The following SVEP1 variants were observed in gnomAD, a reference collection of about 807,000 sequenced individuals.
SVEP1 encodes the protein sushi, von Willebrand factor type A, EGF and pentraxin domain-containing protein 1.
SVEP1 carries 164 observed loss-of-function variants against 367.3 expected under a neutral mutation model. The ratio of observed to expected loss-of-function variants is 0.45; its 90% CI spans 0.39 to 0.51. SVEP1 has a LOEUF of 0.51. Among genes scored for constraint, SVEP1 ranks in the 20% least tolerant of loss-of-function variants. The pLI is 0.00. For missense variants in SVEP1, 4,117 were observed against 4,425.3 expected (o/e 0.93, Z 1.98); for synonymous variants, 1,666 against 1,611.6 (o/e 1.03, Z -0.81).
At chr9:110,440,084 AAC>A (rs148790577) in intron 27 of SVEP1, among the ~76,000 whole-genome samples, 2,266 of 152,348 alleles carry the variant, frequency 0.015, 47 homozygotes, top group East Asian at 0.072. Context: ...AAATGAAATG[AAC>A]ACAAACCACT....
At chr9:110,392,379 G>A (rs1396474744) in intron 40 of SVEP1, among the ~76,000 whole-genome samples, 2 of 151,898 alleles carry the variant, frequency 1.3e-5, no homozygotes, top group Admixed American at 1.3e-4. Flanking sequence ...CTGTTTGTTG[G>A]ATTTAGAGGC....
At chr9:110,460,108 T>A (rs2118640449) in intron 18 of SVEP1, among the ~76,000 whole-genome samples, 1 of 152,288 alleles carries the variant, frequency 6.6e-6, no homozygotes, top group African/African-American at 2.4e-5. Context: ...AGTAGTTTTA[T>A]CGTTAGTATT....
intron 30 of SVEP1, among the ~76,000 whole-genome samples, chr9:110,433,690 T>C (rs1828389341): frequency 6.6e-6 from 1 of 151,858 alleles, no homozygotes; most frequent in South Asian, 2.1e-4. Context: ...AGGCTGGTCT[T>C]GAACTCTTGG....
chr9:110,513,482 C>T (rs1829754892), intron 4 of SVEP1, among the ~76,000 whole-genome samples: 1 of 152,088 alleles, frequency 6.6e-6, no homozygotes, highest in Non-Finnish European at 1.5e-5. Flanking sequence ...ATATTTGCTA[C>T]AAACCCCAAG....
rs1245396540 is a variant in SVEP1, at chr9:110,390,357, A to AAG, written c.9823-771_9823-770insCT. Reference sequence around the variant, plus strand: ...TACACATACTTATATACACTTATATATATATACTTATATCTACTTATATAT... The same window carrying AAG: ...TACACATACTTATATACACTTATATAAGTATATACTTATATCTACTTATATAT... On this transcript the variant is annotated intron_variant, in intron 40 of 47. Transcript: ENST00000374469. Among the ~76,000 whole-genome samples, 586 of 79,594 alleles carry AAG rather than the reference A, an allele frequency of 7.4e-3. 1 individual carries two copies. The highest frequency in any genetic ancestry group is 8.7e-3 in the Non-Finnish European group (339 of 38,778). The allele number at this position is 79,594 out of a possible 152,430, so 52.2% of individuals were successfully genotyped here.
chr9:110,579,158 G>A lies in SVEP1; in HGVS notation c.386C>T (p.Ser129Phe). 6.4e-7 allele frequency: 1 copy of A among 1,562,954 alleles called. No individual in the cohort carries two copies. Among genetic ancestry groups the A allele is most frequent in the Non-Finnish European group, 8.7e-7 (1 of 1,154,430 alleles). Residue 129 changes from serine (S) to phenylalanine (F), a missense_variant, in exon 1 of 48, where the codon TCC becomes TTC. Ser to Phe is a radical substitution (Grantham distance 155). Coordinates refer to ENST00000374469, the MANE Select transcript of SVEP1 (RefSeq NM_153366.4). The surrounding 1 kb of genome is among the most constrained non-coding windows in gnomAD (Gnocchi z 5.3). ...GACGCGCGGCACCACGTAGTTCTTG[G>A]ACGAGAAGGTCACGATGGCCACGCG... The part of the protein sequence containing the change: ...ATRVAIVTFS[S>F]KNYVVPRVDY...
At chr9:110,489,800 T>C (rs1236753661) in intron 8 of SVEP1, 21 bp from the exon 9 acceptor site, 6 of 1,589,624 alleles carry the variant, frequency 3.8e-6, no homozygotes, top group Non-Finnish European at 5.1e-6. Context: ...TACACAAATA[T>C]TTTGAAAGTT....
rs1564145245 is a variant in SVEP1, at chr9:110,446,931, C to T, written c.4230G>A (p.Gln1410=). The T allele has an allele frequency of 2.0e-6, 3 of 1,538,350 alleles. No homozygotes were observed. Among genetic ancestry groups the T allele is most frequent in the Non-Finnish European group, 2.6e-6 (3 of 1,141,842 alleles). Reference sequence around the variant, plus strand: ...CACACCTTTTGCCTGAAAATCCTGGCTGACATTTACAACTGTATGAATTTA... The same window carrying T: ...CACACCTTTTGCCTGAAAATCCTGGTTGACATTTACAACTGTATGAATTTA... ...DELNSYSCKC[Q]PGFSGKRCET... is the part of the protein sequence containing the mutation. Residue 1410 remains glutamine (Q), a synonymous_variant, in exon 25 of 48, where the codon CAG becomes CAA. Transcript: ENST00000374469.
At chr9:110,454,898 C>G (rs1362572682) in intron 22 of SVEP1, among the ~76,000 whole-genome samples, 1 of 152,190 alleles carries the variant, frequency 6.6e-6, no homozygotes, top group Non-Finnish European at 1.5e-5. Flanking sequence ...CTCCAAACCT[C>G]AGCATCATGC....
intron 18 of SVEP1, 64 bp downstream of exon 18, chr9:110,465,801 C>T: frequency 4.6e-6 from 7 of 1,529,938 alleles, no homozygotes; most frequent in African/African-American, 1.4e-5. Flanking sequence ...AGAAAATATG[C>T]CACTCCTTCA....
intron 43 of SVEP1, among the ~76,000 whole-genome samples, chr9:110,383,486 A>C (rs1464188547): frequency 6.6e-6 from 1 of 151,768 alleles, no homozygotes; most frequent in African/African-American, 2.4e-5. Context: ...ACCTGATGCT[A>C]GCAGGAACAC....
At chr9:110,566,436 A>G (rs576796793) in intron 1 of SVEP1, among the ~76,000 whole-genome samples, 8 of 152,326 alleles carry the variant, frequency 5.3e-5, no homozygotes, top group African/African-American at 1.7e-4. Flanking sequence ...TAAAGTGCTT[A>G]CAGTGGTGCC....
At chr9:110,491,200 A>C (rs10739304) in intron 8 of SVEP1, among the ~76,000 whole-genome samples, 106,811 of 151,482 alleles carry the variant, frequency 0.71, 38,218 homozygotes, top group African/African-American at 0.83. Flanking sequence ...TTCTGATAGA[A>C]CCAGTTGTTT....
At chr9:110,469,794 C>G (rs908719857) in intron 16 of SVEP1, among the ~76,000 whole-genome samples, 1 of 152,186 alleles carries the variant, frequency 6.6e-6, no homozygotes, top group African/African-American at 2.4e-5. Context: ...GGGCCTGAGT[C>G]AAGATGCACT....
At position 110,579,428 on chromosome 9, in the gene SVEP1, G is replaced by A. The variant is rs1473099167; in HGVS notation, c.116C>T (p.Ala39Val). Residue 39 changes from alanine to valine, a missense_variant, in exon 1 of 48, where the codon GCG (alanine) becomes GTG (valine). By Grantham distance (64) the Ala-to-Val change is moderately conservative. Transcript: ENST00000374469. The surrounding 1 kb of genome is among the most constrained non-coding windows in gnomAD (Gnocchi z 5.3). Reference protein sequence around the residue: ...NFSFRLFPETAPGAPGSIPAP... With the variant: ...NFSFRLFPETVPGAPGSIPAP... ...GGGGATACTCCCGGGGGCCCCGGGC[G>A]CGGTCTCGGGGAAGAGGCGGAAGCT... 3 of 1,587,946 alleles carry A rather than the reference G, an allele frequency of 1.9e-6. No homozygotes were observed. Among genetic ancestry groups the A allele is most frequent in the Non-Finnish European group, 2.6e-6 (3 of 1,168,256 alleles).
At chr9:110,380,534 G>T (rs1189005514) in intron 43 of SVEP1, among the ~76,000 whole-genome samples, 1 of 152,180 alleles carries the variant, frequency 6.6e-6, no homozygotes, top group Non-Finnish European at 1.5e-5. Context: ...GCATCCAGGG[G>T]AAGAAGCCAA....
At position 110,400,336 on chromosome 9, in the gene SVEP1, T is replaced by C. The variant is rs115240512; in HGVS notation, c.9822+518A>G. On this transcript the variant is annotated intron_variant, in intron 40 of 47. Transcript: ENST00000374469. ...AACTTACTTTTTTCCTTCCTTATCATGGCTTTCATGTTTTTTATTTGAGAC... is the reference window on the plus strand; with the variant it reads ...AACTTACTTTTTTCCTTCCTTATCACGGCTTTCATGTTTTTTATTTGAGAC... Among the ~76,000 whole-genome samples, 391 of 152,146 alleles carry C rather than the reference T, an allele frequency of 2.6e-3. 7 individuals are homozygous for C. The highest frequency in any genetic ancestry group is 9.1e-3 in the African/African-American group (378 of 41,544).
At chr9:110,433,465 C>A (rs1828385787) in intron 30 of SVEP1, among the ~76,000 whole-genome samples, 1 of 120,038 alleles carries the variant, frequency 8.3e-6, no homozygotes, top group Non-Finnish European at 1.7e-5. Context: ...TTTTGTATTA[C>A]TTTTTTTTTT....
intron 32 of SVEP1, among the ~76,000 whole-genome samples, chr9:110,430,853 G>T (rs1828340247): frequency 6.6e-6 from 1 of 152,128 alleles, no homozygotes; most frequent in Non-Finnish European, 1.5e-5. Context: ...GCAGATTCAG[G>T]AAAGTTTCCA....
Sources: allele counts gnomAD v4.1 joint callset (sites outside exome capture counted in the v4.1 genomes callset), GRCh38; gene constraint gnomAD v4.1.1; non-coding constraint Gnocchi (gnomAD v3.1); transcripts MANE v1.5; gene names NCBI Gene and HGNC (gene_info 2026-07-23, HGNC 2026-07-21).